The following TRIM71 variants were observed in gnomAD, a reference collection of about 807,000 sequenced individuals.
TRIM71 encodes E3 ubiquitin-protein ligase TRIM71.
In TRIM71, 9 loss-of-function variants were observed where a neutral mutation model predicts 61.2. The ratio of observed to expected loss-of-function variants is 0.15; its 90% CI spans 0.09 to 0.26. TRIM71 has a LOEUF of 0.26. TRIM71 is among the 10% of genes least tolerant of loss of function. TRIM71 has a pLI of 1.00. For synonymous variants in TRIM71, 645 were observed against 553.2 expected (o/e 1.17, Z -2.33); for missense variants, 998 against 1,238.7 (o/e 0.81, Z 2.92).
At chr3:32,886,441 C>T (rs567254485) in intron 3 of TRIM71, among the ~76,000 whole-genome samples, 18 of 152,254 alleles carry the variant, frequency 1.2e-4, no homozygotes, top group African/African-American at 4.1e-4. Context: ...ACTTCCTGAC[C>T]TCTTGTGGAA....
At chr3:32,843,861 T>A (rs1415499313) in intron 1 of TRIM71, among the ~76,000 whole-genome samples, 1 of 152,136 alleles carries the variant, frequency 6.6e-6, no homozygotes, top group East Asian at 1.9e-4. Flanking sequence ...GGGCAAGGGT[T>A]AATCTGGGCC....
Sources: allele counts gnomAD v4.1 joint callset (sites outside exome capture counted in the v4.1 genomes callset), GRCh38; gene constraint gnomAD v4.1.1; transcripts MANE v1.5; gene names NCBI Gene and HGNC (gene_info 2026-07-23, HGNC 2026-07-21).